Variants in EYS observed in about 807,000 individuals in gnomAD.
EYS encodes the protein protein eyes shut homolog.
EYS carries 250 observed loss-of-function variants against 282.1 expected under a neutral mutation model. The observed-to-expected ratio is 0.89, with a 90% CI of 0.80 to 0.98. EYS has a LOEUF of 0.98. Ranked by LOEUF, EYS falls within the 50% of genes least tolerant of loss-of-function variation. The probability of loss-of-function intolerance (pLI) is 0.00; values close to 1 mark genes in which losing one functional copy is unlikely to be tolerated. For missense variants in EYS, 4,016 were observed against 3,709.0 expected (o/e 1.08, Z -2.15); for synonymous variants, 1,355 against 1,282.9 (o/e 1.06, Z -1.20).
At chr6:63,782,515 T>G (rs1019231868) in intron 39 of EYS, among the ~76,000 whole-genome samples, 1 of 152,258 alleles carries the variant, frequency 6.6e-6, no homozygotes, top group Non-Finnish European at 1.5e-5. Flanking sequence ...CCATTTCTTC[T>G]AACTTTTCTA....
At chr6:65,171,460 T>G (rs1209267469) in intron 12 of EYS, among the ~76,000 whole-genome samples, 3 of 151,544 alleles carry the variant, frequency 2.0e-5, no homozygotes, top group Admixed American at 1.3e-4. Context: ...AAGTCCAGTA[T>G]GCTATTCATA....
intron 26 of EYS, among the ~76,000 whole-genome samples, chr6:64,475,903 C>T (rs1008076015): frequency 6.6e-6 from 1 of 152,138 alleles, no homozygotes; most frequent in Admixed American, 6.5e-5. Flanking sequence ...CTTCCCACCT[C>T]AGCCTCCCAA....
At chr6:63,905,353 G>T (rs1205028713) in intron 35 of EYS, among the ~76,000 whole-genome samples, 1 of 138,396 alleles carries the variant, frequency 7.2e-6, no homozygotes, top group African/African-American at 2.7e-5. Flanking sequence ...TTTTTGAGAC[G>T]GAGTCTCGCT....
chr6:64,925,145 T>C (rs1170473303), intron 15 of EYS, among the ~76,000 whole-genome samples: 2 of 152,064 alleles, frequency 1.3e-5, no homozygotes, highest in Non-Finnish European at 2.9e-5. Context: ...TGGTGGGAGA[T>C]GAAAGCCACT....
chr6:65,524,683 G>A (rs946108509), intron 2 of EYS, among the ~76,000 whole-genome samples: 10 of 152,200 alleles, frequency 6.6e-5, no homozygotes, highest in African/African-American at 2.4e-4. Flanking sequence ...TTGCCATGAA[G>A]TGAATTCCTT....
chr6:63,950,521 C>T (rs954573260), intron 35 of EYS, among the ~76,000 whole-genome samples: 3 of 152,096 alleles, frequency 2.0e-5, no homozygotes, highest in African/African-American at 7.2e-5. Context: ...CCCACCTGCA[C>T]CCAGGTGATT....
chr6:64,344,056 A>C lies in EYS; in HGVS notation c.6079-36974T>G, dbSNP rs1282141272. Among the ~76,000 whole-genome samples the C allele has an allele frequency of 2.0e-5, 3 of 152,158 alleles. No individual in the cohort carries two copies. The East Asian group carries it at 5.8e-4, about 29-fold the overall frequency. ...CAATAACAGGCTCTGAAATTGAGGC[A>C]ATAATTAATAGCTTACCAACCAAAA... On this transcript the variant is annotated intron_variant, in intron 29 of 42. Coordinates refer to ENST00000503581, the MANE Select transcript of EYS (RefSeq NM_001142800.2).
intron 36 of EYS, among the ~76,000 whole-genome samples, chr6:63,813,052 C>T (rs977066996): frequency 1.3e-5 from 2 of 152,110 alleles, no homozygotes; most frequent in Non-Finnish European, 2.9e-5. Flanking sequence ...AATCTTGGCT[C>T]ACTGCAACCT....
intron 29 of EYS, among the ~76,000 whole-genome samples, chr6:64,341,835 A>G (rs1021564004): frequency 6.6e-6 from 1 of 151,580 alleles, no homozygotes; most frequent in Admixed American, 6.6e-5. Context: ...ATAGAACTCA[A>G]TCTGCAACAG....
At chr6:64,695,815 C>T (rs1435082022) in intron 22 of EYS, among the ~76,000 whole-genome samples, 2 of 151,940 alleles carry the variant, frequency 1.3e-5, no homozygotes, top group Non-Finnish European at 2.9e-5. Flanking sequence ...GAACTCCTGA[C>T]CTCATACTTA....
chr6:64,183,635 T>C (rs941593784), intron 31 of EYS, among the ~76,000 whole-genome samples: 1 of 152,182 alleles, frequency 6.6e-6, no homozygotes, highest in African/African-American at 2.4e-5. Flanking sequence ...TACAGGCTAG[T>C]ATAATTTCTA....
chr6:63,991,789 C>A (rs923664484), intron 34 of EYS, among the ~76,000 whole-genome samples: 1 of 151,550 alleles, frequency 6.6e-6, no homozygotes, highest in Non-Finnish European at 1.5e-5. Context: ...TAAAAAAGTC[C>A]ACTCTGAGAC....
chr6:64,890,056 C>CA (rs202073704), intron 18 of EYS, among the ~76,000 whole-genome samples: 2 of 139,048 alleles, frequency 1.4e-5, no homozygotes, highest in African/African-American at 5.3e-5. Context: ...CCCCCCCCCC[C>CA]CAAGGTGTGC....
intron 12 of EYS, among the ~76,000 whole-genome samples, chr6:65,193,980 T>A (rs373982364): frequency 5.9e-4 from 89 of 151,986 alleles, no homozygotes; most frequent in African/African-American, 1.8e-3. Context: ...GGGGAAAAAA[T>A]TGCCTTTCCT....
intron 26 of EYS, among the ~76,000 whole-genome samples, chr6:64,527,739 C>G (rs759915404): frequency 6.6e-6 from 1 of 151,074 alleles, no homozygotes; most frequent in African/African-American, 2.4e-5. Context: ...TAATAAGGAA[C>G]CATAAATAAA....
intron 12 of EYS, among the ~76,000 whole-genome samples, chr6:65,180,864 G>A (rs1321244479): frequency 2.0e-5 from 3 of 152,062 alleles, no homozygotes; most frequent in Non-Finnish European, 4.4e-5. Flanking sequence ...CAGAGATATA[G>A]ACCAATGGAA....
At chr6:65,069,584 G>C (rs1318756328) in intron 12 of EYS, among the ~76,000 whole-genome samples, 1 of 151,780 alleles carries the variant, frequency 6.6e-6, no homozygotes. Flanking sequence ...CCTTTACTTT[G>C]TGTGTCTCTC....
chr6:65,188,807 C>A (rs1483534505), intron 12 of EYS, among the ~76,000 whole-genome samples: 1 of 148,122 alleles, frequency 6.8e-6, no homozygotes, highest in African/African-American at 2.5e-5. Context: ...GGCCAGGAGC[C>A]AAGAAATGGG....
chr6:65,266,888 A>ACATG (rs1491503755), intron 12 of EYS, among the ~76,000 whole-genome samples: 39 of 48,638 alleles, frequency 8.0e-4, no homozygotes, highest in African/African-American at 3.0e-3. Flanking sequence ...ATGTGTGTGC[A>ACATG]TATATATATA....
Sources: gnomAD v4.1 joint callset for allele counts (sites outside exome capture counted in the v4.1 genomes callset) on GRCh38, gnomAD v4.1.1 for gene constraint, MANE v1.5 for transcripts, NCBI Gene and HGNC (gene_info 2026-07-23, HGNC 2026-07-21) for gene names.